TMEM108: variants seen among roughly 807,000 people sequenced by gnomAD.
TMEM108 encodes transmembrane protein 108.
A neutral mutation model predicts 35.1 loss-of-function variants in TMEM108; 12 were observed. That is an observed-to-expected ratio of 0.34 (90% confidence interval 0.22 to 0.55). TMEM108 has a LOEUF of 0.55. TMEM108 is among the 20% of genes least tolerant of loss of function. The probability of loss-of-function intolerance (pLI) is 0.89; values close to 1 mark genes in which losing one functional copy is unlikely to be tolerated. For missense variants in TMEM108, 680 were observed against 753.3 expected (o/e 0.90, Z 1.14); for synonymous variants, 287 against 308.6 (o/e 0.93, Z 0.73).
intron 2 of TMEM108, among the ~76,000 whole-genome samples, chr3:133,151,374 A>G (rs1337727001): frequency 5.9e-5 from 9 of 152,214 alleles, no homozygotes; most frequent in Admixed American, 3.9e-4. Context: ...ACAATTGAGC[A>G]ATATTAAATA....
At chr3:133,230,089 A>G (rs1047929300) in intron 3 of TMEM108, among the ~76,000 whole-genome samples, 8 of 152,220 alleles carry the variant, frequency 5.3e-5, no homozygotes, top group Admixed American at 3.9e-4. Context: ...TACCCGCTCC[A>G]GGTCAAACCA....
At chr3:133,318,640 G>A (rs2071226859) in intron 3 of TMEM108, among the ~76,000 whole-genome samples, 2 of 152,114 alleles carry the variant, frequency 1.3e-5, no homozygotes, top group African/African-American at 4.8e-5. Context: ...AAGTGGGACA[G>A]TATACAGGAC....
intron 2 of TMEM108, among the ~76,000 whole-genome samples, chr3:133,149,779 T>C (rs1220860006): frequency 6.6e-6 from 1 of 152,138 alleles, no homozygotes; most frequent in Admixed American, 6.6e-5. Flanking sequence ...AAGGGAATAC[T>C]ATTTTTTACT....
intron 2 of TMEM108, among the ~76,000 whole-genome samples, chr3:133,191,753 G>A (rs1213399652): frequency 1.3e-5 from 2 of 152,178 alleles, no homozygotes; most frequent in African/African-American, 4.8e-5. Context: ...AGGTGTACTA[G>A]TGTAGGAATC....
chr3:133,228,644 C>A (rs1946109050), intron 2 of TMEM108, among the ~76,000 whole-genome samples: 1 of 151,810 alleles, frequency 6.6e-6, no homozygotes, highest in African/African-American at 2.4e-5. Flanking sequence ...TGAAACAGAC[C>A]AATAGAAGTG....
At chr3:133,308,328 T>C (rs1359872231) in intron 3 of TMEM108, among the ~76,000 whole-genome samples, 3 of 152,168 alleles carry the variant, frequency 2.0e-5, no homozygotes, top group Admixed American at 2.0e-4. Context: ...TGACTTCCCT[T>C]TTCCTAATTG....
chr3:133,214,962 T>C (rs1221741064), intron 2 of TMEM108, among the ~76,000 whole-genome samples: 4 of 152,150 alleles, frequency 2.6e-5, no homozygotes. Context: ...AGAAAAATTG[T>C]CCTTCTCGAA....
intron 2 of TMEM108, among the ~76,000 whole-genome samples, chr3:133,147,063 T>C (rs964971098): frequency 1.6e-4 from 24 of 152,094 alleles, no homozygotes; most frequent in African/African-American, 4.1e-4. Context: ...AGGGTGTCGA[T>C]TGTAGATCTT....
chr3:133,099,647 T>C (rs1343884593), intron 2 of TMEM108, among the ~76,000 whole-genome samples: 1 of 152,136 alleles, frequency 6.6e-6, no homozygotes, highest in Non-Finnish European at 1.5e-5. Flanking sequence ...ATACCCTAAA[T>C]CATCTCTCTC....
chr3:133,219,391 G>A (rs1020335180), intron 2 of TMEM108, among the ~76,000 whole-genome samples: 2 of 151,260 alleles, frequency 1.3e-5, no homozygotes, highest in Non-Finnish European at 3.0e-5. Flanking sequence ...TCTAACTTTG[G>A]GCTTAATTTG....
chr3:133,376,470 A>AG (rs2072842904), intron 3 of TMEM108, among the ~76,000 whole-genome samples: 1 of 152,162 alleles, frequency 6.6e-6, no homozygotes, highest in Non-Finnish European at 1.5e-5. Flanking sequence ...CTGTTGCAGC[A>AG]AACACCAGCT....
At chr3:133,107,928 C>A (rs140359097) in intron 2 of TMEM108, among the ~76,000 whole-genome samples, 11 of 152,252 alleles carry the variant, frequency 7.2e-5, no homozygotes, top group African/African-American at 2.4e-4. Flanking sequence ...ACTGACAGAT[C>A]TCCTATAAAA....
At chr3:133,097,167 G>T (rs1944025884) in intron 2 of TMEM108, among the ~76,000 whole-genome samples, 1 of 152,156 alleles carries the variant, frequency 6.6e-6, no homozygotes. Context: ...GTCTACTCAA[G>T]GTTAATATCT....
chr3:133,321,903 A>C (rs1248283865), intron 3 of TMEM108, among the ~76,000 whole-genome samples: 1 of 152,194 alleles, frequency 6.6e-6, no homozygotes, highest in African/African-American at 2.4e-5. Flanking sequence ...AATACATGAA[A>C]ATTAAATAAT....
intron 2 of TMEM108, among the ~76,000 whole-genome samples, chr3:133,080,926 C>A (rs1559826278): frequency 6.6e-6 from 1 of 152,166 alleles, no homozygotes; most frequent in African/African-American, 2.4e-5. Flanking sequence ...CCTTTAGCTC[C>A]TTAAAGCTTC....
At chr3:133,329,406 C>T (rs2071367319) in intron 3 of TMEM108, among the ~76,000 whole-genome samples, 1 of 152,078 alleles carries the variant, frequency 6.6e-6, no homozygotes, top group African/African-American at 2.4e-5. Context: ...TTCATTGATG[C>T]CTAGATCCTA....
At chr3:133,091,021 A>G (rs73005585) in intron 2 of TMEM108, among the ~76,000 whole-genome samples, 9,575 of 152,180 alleles carry the variant, frequency 0.063, 1,024 homozygotes, top group African/African-American at 0.22. Flanking sequence ...CTATTGGGTT[A>G]AATATATACA....
At chr3:133,241,142 G>A (rs1458674975) in intron 3 of TMEM108, among the ~76,000 whole-genome samples, 1 of 90,726 alleles carries the variant, frequency 1.1e-5, no homozygotes, top group African/African-American at 8.3e-5. Flanking sequence ...AATGAAAAAA[G>A]AGTTTTTTCC....
At chr3:133,166,016 T>C (rs1945031799) in intron 2 of TMEM108, among the ~76,000 whole-genome samples, 1 of 152,260 alleles carries the variant, frequency 6.6e-6, no homozygotes, top group East Asian at 1.9e-4. Context: ...AGAAAGTTAC[T>C]GAAATCAGTC....
Sources: gnomAD v4.1 joint callset for allele counts (sites outside exome capture counted in the v4.1 genomes callset) on GRCh38, gnomAD v4.1.1 for gene constraint, MANE v1.5 for transcripts, NCBI Gene and HGNC (gene_info 2026-07-23, HGNC 2026-07-21) for gene names.